The following NPAP1 variants were observed in gnomAD, a reference collection of about 807,000 sequenced individuals.
The protein encoded by NPAP1 is nuclear pore associated protein 1.
For synonymous variants in NPAP1, 616 were observed against 581.4 expected, an observed-to-expected ratio of 1.06 and a Z score of -0.86; for missense variants, 1,483 against 1,454.5, an observed-to-expected ratio of 1.02 and a Z score of -0.32.
rs777827217 is a variant in NPAP1 at position 24,677,087 on chromosome 15, C to A, written c.1220C>A (p.Thr407Asn). ...PAPSFSQPVQTTDSLPLTTYT... is the reference protein window; with the variant it reads ...PAPSFSQPVQNTDSLPLTTYT... Reference sequence around the variant, plus strand: ...CCTTCTTTCTCCCAACCTGTGCAGACCACAGACTCCCTGCCCCTGACCACT... The same window carrying A: ...CCTTCTTTCTCCCAACCTGTGCAGAACACAGACTCCCTGCCCCTGACCACT... Residue 407 changes from threonine to asparagine, a missense_variant, in exon 1 of 1, where the codon ACC (threonine) becomes AAC (asparagine). Physicochemically the swap from Thr to Asn is moderately conservative, Grantham distance 65. Coordinates refer to ENST00000329468, the MANE Select transcript of NPAP1 (RefSeq NM_018958.3). The A allele has an allele frequency of 6.2e-7, 1 of 1,614,124 alleles. No individual in the cohort carries two copies.
rs77362980 is a variant in NPAP1, at chr15:24,679,982, GGTTT to G, written c.*677_*680del. 0.08 allele frequency: 15,211 copies of G among 189,782 alleles called. 697 individuals carry two copies. Among genetic ancestry groups the G allele is most frequent in the African/African-American group, 0.099 (4,049 of 40,850 alleles). 11.8% of individuals were successfully genotyped at this position (189,782 alleles called of 1,614,324 possible). A position where few individuals can be genotyped will look rare whatever the true frequency, so the allele number is the denominator to read the frequency against. On this transcript the variant is annotated 3_prime_UTR_variant, in exon 1 of 1. Coordinates refer to ENST00000329468, the MANE Select transcript of NPAP1 (RefSeq NM_018958.3). Reference sequence around the variant, plus strand: ...GAGGAACCAGCATTGTTTTTGTTTTGGTTTGTTTGTTTGTTTGTTTGTTTGTTTG... The same window carrying G: ...GAGGAACCAGCATTGTTTTTGTTTTGGTTTGTTTGTTTGTTTGTTTGTTTG...
At position 24,681,313 on chromosome 15, in the gene NPAP1, G is replaced by GACTT. The variant is rs2141315543; in HGVS notation, c.*1977_*1980dup. On this transcript the variant is annotated 3_prime_UTR_variant, in exon 1 of 1. Transcript: ENST00000329468. ...ATAAAATGAAATAATATGGAGAAAT[G>GACTT]ACTTATAAGCTTTTGTTGTAATTTG... 1 of 167,036 alleles carries GACTT rather than the reference G, an allele frequency of 6.0e-6. No individual in the cohort carries two copies. The highest frequency in any genetic ancestry group is 1.9e-4 in the East Asian group (1 of 5,184). 10.3% of individuals were successfully genotyped at this position (167,036 alleles called of 1,614,324 possible). A position where few individuals can be genotyped will look rare whatever the true frequency, so the allele number is the denominator to read the frequency against.
rs1595614943 is a variant in NPAP1 at position 24,676,360 on chromosome 15, G to A, written c.493G>A (p.Asp165Asn). ...GCCCAGAAGAGTGAAGAAGGATGAG[G>A]ATCCGGTGCAGATCGAAGGGGAGGA... Reference protein sequence around the residue: ...EGPRRVKKDEDPVQIEGEDDE... With the variant: ...EGPRRVKKDENPVQIEGEDDE... The change falls in exon 1 of 1, where the codon GAT (aspartate) becomes AAT (asparagine). Residue 165 changes from aspartate (D) to asparagine (N), a missense_variant. By Grantham distance (23) the Asp-to-Asn change is conservative (BLOSUM62 1). Transcript: ENST00000329468. 1 of 1,547,436 alleles carries A rather than the reference G, an allele frequency of 6.5e-7. No homozygotes were observed. The highest frequency in any genetic ancestry group is 8.7e-7 in the Non-Finnish European group (1 of 1,150,670).
rs138683847 is a variant in NPAP1 at position 24,677,339 on chromosome 15, C to T, written c.1472C>T (p.Ala491Val). The change falls in exon 1 of 1, where the codon GCG (alanine) becomes GTG (valine). Residue 491 changes from alanine to valine, a missense_variant. Transcript: ENST00000329468. ...TCTTATAATTCAGTCGTAGGAGCAG[C>T]GCCTCTCACTTCTGACCCCCCAACA... ...GGSYNSVVGA[A>V]PLTSDPPTPP... 245 of 1,613,938 alleles carry T rather than the reference C, an allele frequency of 1.5e-4. No homozygotes were observed. Among genetic ancestry groups the T allele is most frequent in the Non-Finnish European group, 1.9e-4 (222 of 1,179,986 alleles).
Position 24,680,161 on chromosome 15 carries a change from A to G in NPAP1, c.*823A>G, listed in dbSNP as rs1595617302. 1 of 158,084 alleles carries G rather than the reference A, an allele frequency of 6.3e-6. No individual in the cohort carries two copies. The highest frequency in any genetic ancestry group is 6.5e-5 in the Admixed American group (1 of 15,280). The allele number at this position is 158,084 out of a possible 1,614,324, so 9.8% of individuals were successfully genotyped here. On this transcript the variant is annotated 3_prime_UTR_variant, in exon 1 of 1. Coordinates refer to ENST00000329468, the MANE Select transcript of NPAP1 (RefSeq NM_018958.3). ...CAGGCATATGCCACCACACCTGGCT[A>G]TTTTTTATAATTTTAGCAGAGACAG...
At position 24,680,765 on chromosome 15, in the gene NPAP1, T is replaced by C. The variant is rs1405852478; in HGVS notation, c.*1427T>C. 6.0e-6 allele frequency: 1 copy of C among 166,662 alleles called. No individual in the cohort carries two copies. The highest frequency in any genetic ancestry group is 1.5e-5 in the Non-Finnish European group (1 of 68,144). The allele number at this position is 166,662 out of a possible 1,614,324, so 10.3% of individuals were successfully genotyped here. On this transcript the variant is annotated 3_prime_UTR_variant, in exon 1 of 1. Transcript: ENST00000329468. The stretch of plus-strand genomic sequence containing the variant: ...CTACCTCTGGGCCAGTTCTCTCTAG[T>C]CATGGACAGAAAGGCAAAATTCCCG...
rs2141314483 is a variant in NPAP1, at chr15:24,679,270, A to T, written c.3403A>T (p.Thr1135Ser). ...QHTWTERKFY[T>S]SSTHYYGQET... is the part of the protein sequence containing the mutation. ...CACATGGACAGAGAGAAAATTCTAC[A>T]CTTCAAGCACCCACTACTATGGACA... The change falls in exon 1 of 1, where the codon ACT (threonine) becomes TCT (serine). Residue 1135 changes from threonine (T) to serine (S), a missense_variant. Physicochemically the swap from Thr to Ser is moderately conservative, Grantham distance 58. Coordinates refer to ENST00000329468, the MANE Select transcript of NPAP1 (RefSeq NM_018958.3). The T allele has an allele frequency of 6.2e-7, 1 of 1,613,988 alleles. No individual in the cohort carries two copies. The highest frequency in any genetic ancestry group is 8.5e-7 in the Non-Finnish European group (1 of 1,180,004).
the NPAP1 span, chr15:24,675,937 GC>G: frequency 1.9e-6 from 3 of 1,584,246 alleles, no homozygotes; most frequent in Admixed American, 1.8e-5. Flanking sequence ...AGGGCGTGGC[GC>G]CCCCGCTCCC....
At position 24,676,384 on chromosome 15, in the gene NPAP1, G is replaced by T. The variant is rs781264951; in HGVS notation, c.517G>T (p.Asp173Tyr). The T allele has an allele frequency of 6.4e-7, 1 of 1,571,236 alleles. No individual in the cohort carries two copies. Residue 173 changes from aspartate to tyrosine, a missense_variant, in exon 1 of 1, where the codon GAT becomes TAT. By Grantham distance (160) the Asp-to-Tyr change is radical. Transcript: ENST00000329468. Reference protein sequence around the residue: ...DEDPVQIEGEDDEKRTPLSSG... With the variant: ...DEDPVQIEGEYDEKRTPLSSG... ...GGATCCGGTGCAGATCGAAGGGGAGGATGACGAGAAAAGGACCCCCCTTAG... is the reference window on the plus strand; with the variant it reads ...GGATCCGGTGCAGATCGAAGGGGAGTATGACGAGAAAAGGACCCCCCTTAG...
rs994857551 is a variant in NPAP1, at chr15:24,681,331, G to T, written c.*1993G>T. 1.8e-5 allele frequency: 3 copies of T among 166,810 alleles called. No individual in the cohort carries two copies. The highest frequency in any genetic ancestry group is 2.9e-5 in the Non-Finnish European group (2 of 68,122). The allele number at this position is 166,810 out of a possible 1,614,324, so 10.3% of individuals were successfully genotyped here. On this transcript the variant is annotated 3_prime_UTR_variant, in exon 1 of 1. Coordinates refer to ENST00000329468, the MANE Select transcript of NPAP1 (RefSeq NM_018958.3). ...GAGAAATGACTTATAAGCTTTTGTT[G>T]TAATTTGTTATATACATAGGGATGG...
Position 24,676,321 on chromosome 15 carries a change from T to G in NPAP1, c.454T>G (p.Trp152Gly), listed in dbSNP as rs35870568. ...CACTCTCCTGGAGGAGACCGAGGTG[T>G]GGGCCCAAGAAGGGCCCAGAAGAGT... Reference protein sequence around the residue: ...PATLLEETEVWAQEGPRRVKK... With the variant: ...PATLLEETEVGAQEGPRRVKK... The change falls in exon 1 of 1, where the codon TGG (tryptophan) becomes GGG (glycine). Residue 152 changes from tryptophan to glycine, a missense_variant. By Grantham distance (184) the Trp-to-Gly change is radical (BLOSUM62 -2). Coordinates refer to ENST00000329468, the MANE Select transcript of NPAP1 (RefSeq NM_018958.3). 4.6e-6 allele frequency: 7 copies of G among 1,524,152 alleles called. No individual in the cohort carries two copies. Among genetic ancestry groups the G allele is most frequent in the Non-Finnish European group, 6.1e-6 (7 of 1,139,036 alleles). The allele number at this position is 1,524,152 out of a possible 1,614,324, so 94.4% of individuals were successfully genotyped here. A position where few individuals can be genotyped will look rare whatever the true frequency, so the allele number is the denominator to read the frequency against.
At chr15:24,677,913 G>GA in the NPAP1 span, 1 of 1,613,554 alleles carries the variant, frequency 6.2e-7, no homozygotes, top group Non-Finnish European at 8.5e-7. Context: ...CCACTTTAGT[G>GA]AACAGTGCCT....
Position 24,679,079 on chromosome 15 carries a change from A to G in NPAP1, c.3212A>G (p.Gln1071Arg), listed in dbSNP as rs2048999925. Reference protein sequence around the residue: ...PTGHSMAAAPQGASNIPVFGY... With the variant: ...PTGHSMAAAPRGASNIPVFGY... The stretch of plus-strand genomic sequence containing the variant: ...GGCCACAGCATGGCTGCTGCACCAC[A>G]AGGGGCTAGCAACATTCCTGTATTT... Residue 1071 changes from glutamine to arginine, a missense_variant, in exon 1 of 1, where the codon CAA becomes CGA. Gln to Arg is a conservative substitution (Grantham distance 43). Coordinates refer to ENST00000329468, the MANE Select transcript of NPAP1 (RefSeq NM_018958.3). 2 of 1,614,188 alleles carry G rather than the reference A, an allele frequency of 1.2e-6. No individual in the cohort carries two copies. The highest frequency in any genetic ancestry group is 2.7e-5 in the African/African-American group (2 of 75,058).
rs756452322 is a variant in NPAP1, at chr15:24,676,197, C to T, written c.330C>T (p.His110=). 2 of 1,554,072 alleles carry T rather than the reference C, an allele frequency of 1.3e-6. No individual in the cohort carries two copies. Among genetic ancestry groups the T allele is most frequent in the East Asian group, 4.5e-5 (2 of 44,156 alleles). ...LPARNPPRFG[H]PSSVRIPPPS... is the part of the protein sequence containing the mutation. Reference sequence around the variant, plus strand: ...CTCGGAACCCCCCGAGGTTTGGACACCCCAGTTCCGTAAGGATCCCTCCTC... The same window carrying T: ...CTCGGAACCCCCCGAGGTTTGGACATCCCAGTTCCGTAAGGATCCCTCCTC... Residue 110 remains histidine (H), a synonymous_variant, in exon 1 of 1, where the codon CAC becomes CAT. Coordinates refer to ENST00000329468, the MANE Select transcript of NPAP1 (RefSeq NM_018958.3).
At position 24,677,417 on chromosome 15, in the gene NPAP1, T is replaced by G. The variant is rs2141310323; in HGVS notation, c.1550T>G (p.Ile517Arg). ...FKPPVTRESP[I>R]SMCVDSPPPL... ...CCTCCCGTCACAAGGGAGTCCCCAA[T>G]ATCTATGTGTGTGGATTCCCCTCCT... The change falls in exon 1 of 1, where the codon ATA becomes AGA. Residue 517 changes from isoleucine (I) to arginine (R), a missense_variant. Physicochemically the swap from Ile to Arg is moderately conservative, Grantham distance 97. Coordinates refer to ENST00000329468, the MANE Select transcript of NPAP1 (RefSeq NM_018958.3). 1 of 1,614,054 alleles carries G rather than the reference T, an allele frequency of 6.2e-7. No homozygotes were observed. Among genetic ancestry groups the G allele is most frequent in the Non-Finnish European group, 8.5e-7 (1 of 1,179,994 alleles).
In NPAP1 at chr15:24,676,841, C is replaced by T; in HGVS notation, c.974C>T (p.Pro325Leu). Residue 325 changes from proline to leucine, a missense_variant, in exon 1 of 1, where the codon CCC (proline) becomes CTC (leucine). Pro to Leu is a moderately conservative substitution (Grantham distance 98, BLOSUM62 -3). Transcript: ENST00000329468. ...CCTCCCAGAGCTGCCCGCAACAGGC[C>T]CTGCAAAAGGAAAATGTCGATTCCA... ...AAPPRAARNRPCKRKMSIPLL... is the reference protein window; with the variant it reads ...AAPPRAARNRLCKRKMSIPLL... 3 of 1,613,152 alleles carry T rather than the reference C, an allele frequency of 1.9e-6. No homozygotes were observed. Among genetic ancestry groups the T allele is most frequent in the Non-Finnish European group, 2.5e-6 (3 of 1,180,016 alleles).
Position 24,677,482 on chromosome 15 carries a change from G to T in NPAP1, c.1615G>T (p.Gly539Trp), listed in dbSNP as rs72691546. ...GACTCTTCTTCCAGTCCCTTCCACC[G>T]GGACCTCAGTTATCACCAGCAAGCC... ...FLTLLPVPSTGTSVITSKPMN... is the reference protein window; with the variant it reads ...FLTLLPVPSTWTSVITSKPMN... Residue 539 changes from glycine to tryptophan, a missense_variant, in exon 1 of 1, where the codon GGG becomes TGG. Gly to Trp is a radical substitution (Grantham distance 184). Coordinates refer to ENST00000329468, the MANE Select transcript of NPAP1 (RefSeq NM_018958.3). 2 of 1,613,906 alleles carry T rather than the reference G, an allele frequency of 1.2e-6. No homozygotes were observed. The highest frequency in any genetic ancestry group is 1.7e-6 in the Non-Finnish European group (2 of 1,180,002).
rs1467755003 is a variant in NPAP1 at position 24,676,049 on chromosome 15, C to T, written c.182C>T (p.Ala61Val). The T allele has an allele frequency of 6.3e-7, 1 of 1,587,776 alleles. No individual in the cohort carries two copies. Among genetic ancestry groups the T allele is most frequent in the Non-Finnish European group, 8.6e-7 (1 of 1,169,482 alleles). Residue 61 changes from alanine to valine, a missense_variant, in exon 1 of 1, where the codon GCA becomes GTA. By Grantham distance (64) the Ala-to-Val change is moderately conservative. Coordinates refer to ENST00000329468, the MANE Select transcript of NPAP1 (RefSeq NM_018958.3). Reference protein sequence around the residue: ...FRRNARRRPSAASIFVAPKRP... With the variant: ...FRRNARRRPSVASIFVAPKRP... Reference sequence around the variant, plus strand: ...CGGAACGCCCGTCGCAGGCCTTCAGCAGCCAGCATCTTCGTCGCCCCTAAG... The same window carrying T: ...CGGAACGCCCGTCGCAGGCCTTCAGTAGCCAGCATCTTCGTCGCCCCTAAG...
rs895299712 is a variant in NPAP1 at position 24,680,002 on chromosome 15, T to C, written c.*664T>C. 5 of 195,642 alleles carry C rather than the reference T, an allele frequency of 2.6e-5. No individual in the cohort carries two copies. The highest frequency in any genetic ancestry group is 1.1e-4 in the Admixed American group (2 of 18,748). The allele number at this position is 195,642 out of a possible 1,614,324, so 12.1% of individuals were successfully genotyped here. A position where few individuals can be genotyped will look rare whatever the true frequency, so the allele number is the denominator to read the frequency against. On this transcript the variant is annotated 3_prime_UTR_variant, in exon 1 of 1. Coordinates refer to ENST00000329468, the MANE Select transcript of NPAP1 (RefSeq NM_018958.3). The stretch of plus-strand genomic sequence containing the variant: ...GTTTTGGTTTGTTTGTTTGTTTGTT[T>C]GTTTGTTTGTTTGTTTTTGAGACGG...
Sources: allele counts gnomAD v4.1 joint callset, GRCh38; gene constraint gnomAD v4.1.1; transcripts MANE v1.5; gene names NCBI Gene and HGNC (gene_info 2026-07-23, HGNC 2026-07-21).